Variants in CNKSR2 observed in about 807,000 individuals in gnomAD.
The protein encoded by CNKSR2 is connector enhancer of kinase suppressor of Ras 2, also known as CNK homolog protein 2.
Under a neutral mutation model 84.4 loss-of-function variants are expected in CNKSR2, and 14 were observed. The ratio of observed to expected loss-of-function variants is 0.17; its 90% CI spans 0.11 to 0.26. CNKSR2 has a LOEUF of 0.26. CNKSR2 is among the 10% of genes least tolerant of loss of function. The probability of loss-of-function intolerance (pLI) is 1.00; values close to 1 mark genes in which losing one functional copy is unlikely to be tolerated. For missense variants in CNKSR2, 485 were observed against 771.2 expected, an observed-to-expected ratio of 0.63 and a Z score of 4.40; for synonymous variants, 275 against 277.9, an observed-to-expected ratio of 0.99 and a Z score of 0.10.
chrX:21,597,381 A>T (rs981476153), intron 17 of CNKSR2, among the ~76,000 whole-genome samples: 2 of 111,596 alleles, frequency 1.8e-5, no homozygotes, highest in Non-Finnish European at 3.8e-5. Context: ...AAAGAAAAAA[A>T]GTGAAACATT....
intron 13 of CNKSR2, among the ~76,000 whole-genome samples, chrX:21,580,188 A>C (rs2092345236): frequency 8.9e-6 from 1 of 112,323 alleles, no homozygotes; most frequent in African/African-American, 3.2e-5. Context: ...TGAATTATAT[A>C]TCTCAATTAT....
chrX:21,624,829 T>C (rs1233941897), intron 20 of CNKSR2, among the ~76,000 whole-genome samples: 4 of 112,447 alleles, frequency 3.6e-5, no homozygotes, highest in African/African-American at 9.7e-5. Flanking sequence ...TTTTATTCTA[T>C]TCATTGCACA....
At position 21,490,476 on chromosome X, in the gene CNKSR2, A is replaced by C. The variant is rs1324621094; in HGVS notation, c.579A>C (p.Gly193=). ...KILHVCKTLS[G]VCDHIISLSS... ...GCTTCCAGTGTAAAACTCTTTCTGGAGTCTGTGACCACATCATATCCCTGT... is the reference window on the plus strand; with the variant it reads ...GCTTCCAGTGTAAAACTCTTTCTGGCGTCTGTGACCACATCATATCCCTGT... The change falls in exon 6 of 22, where the codon GGA becomes GGC. Residue 193 remains glycine, a synonymous_variant. Coordinates refer to ENST00000379510, the MANE Select transcript of CNKSR2 (RefSeq NM_014927.5). 8.3e-7 allele frequency: 1 copy of C among 1,205,279 alleles called. No individual in the cohort carries two copies. The highest frequency in any genetic ancestry group is 2.2e-5 in the Admixed American group (1 of 45,376).
intron 13 of CNKSR2, among the ~76,000 whole-genome samples, chrX:21,581,261 A>C (rs1939650573): frequency 8.9e-6 from 1 of 112,027 alleles, no homozygotes; most frequent in African/African-American, 3.2e-5. Context: ...TATGAGACAT[A>C]CTAAGAACAT....
chrX:21,412,839 T>C (rs1382794650), intron 1 of CNKSR2, among the ~76,000 whole-genome samples: 3 of 111,907 alleles, frequency 2.7e-5, no homozygotes, highest in African/African-American at 6.5e-5. Context: ...GTACTTCTTA[T>C]TATAGTAAAA....
At chrX:21,501,433 G>T in intron 7 of CNKSR2, 87 bp from the exon 8 acceptor site, 1 of 465,400 alleles carries the variant, frequency 2.1e-6, no homozygotes, top group Non-Finnish European at 3.5e-6. Flanking sequence ...TCTAATTTAT[G>T]GAGATGAACT....
At chrX:21,467,990 T>A (rs1403571441) in intron 4 of CNKSR2, among the ~76,000 whole-genome samples, 1 of 111,602 alleles carries the variant, frequency 9.0e-6, no homozygotes, top group Non-Finnish European at 1.9e-5. Flanking sequence ...TTAATAAAAA[T>A]ATATTAATAT....
intron 13 of CNKSR2, among the ~76,000 whole-genome samples, chrX:21,580,951 C>T (rs776961564): frequency 2.7e-5 from 3 of 111,681 alleles, no homozygotes; most frequent in East Asian, 5.6e-4. Context: ...CTGCTTTTCA[C>T]CTGTTAGAAC....
chrX:21,606,703 G>T, intron 18 of CNKSR2, 76 bp from the exon 19 acceptor site: 1 of 612,310 alleles, frequency 1.6e-6, no homozygotes, highest in Admixed American at 3.1e-5. Context: ...TTTTTTAAAT[G>T]ATAGTTTATG....
At chrX:21,422,449 C>G (rs957222297) in intron 1 of CNKSR2, among the ~76,000 whole-genome samples, 1 of 111,870 alleles carries the variant, frequency 8.9e-6, no homozygotes, top group African/African-American at 3.3e-5. Flanking sequence ...ACTGTGGGGG[C>G]CTGTTTTCAC....
chrX:21,630,028 A>G (rs1259368629), intron 20 of CNKSR2, among the ~76,000 whole-genome samples: 1 of 112,156 alleles, frequency 8.9e-6, no homozygotes, highest in African/African-American at 3.2e-5. Flanking sequence ...GGCATTCTGA[A>G]TAGAATGACT....
At chrX:21,553,822 G>A (rs759748815) in intron 11 of CNKSR2, among the ~76,000 whole-genome samples, 1 of 111,458 alleles carries the variant, frequency 9.0e-6, no homozygotes, top group Admixed American at 9.6e-5. Context: ...CTTGAGAACT[G>A]CATGCTTTTA....
chrX:21,547,381 A>C (rs1315899038), intron 11 of CNKSR2, among the ~76,000 whole-genome samples: 1 of 111,830 alleles, frequency 8.9e-6, no homozygotes, highest in Non-Finnish European at 1.9e-5. Flanking sequence ...AGAGCTAACT[A>C]TCCTAAATAT....
chrX:21,613,153 T>G (rs1311177998), intron 20 of CNKSR2, among the ~76,000 whole-genome samples: 1 of 112,590 alleles, frequency 8.9e-6, no homozygotes. Flanking sequence ...TATGTCATTC[T>G]ATGCACCTTT....
At chrX:21,630,681 A>T (rs1327753384) in intron 20 of CNKSR2, among the ~76,000 whole-genome samples, 1 of 107,248 alleles carries the variant, frequency 9.3e-6, no homozygotes, top group Non-Finnish European at 1.9e-5. Flanking sequence ...AATATTTTTC[A>T]CTATATATGT....
At chrX:21,562,946 C>G (rs1224100519) in intron 12 of CNKSR2, among the ~76,000 whole-genome samples, 1 of 111,302 alleles carries the variant, frequency 9.0e-6, no homozygotes, top group Non-Finnish European at 1.9e-5. Context: ...GTAGTTGGTC[C>G]AAAGCTAAAA....
chrX:21,448,008 TAGA>T (rs1204019703), intron 4 of CNKSR2, among the ~76,000 whole-genome samples: 1 of 111,281 alleles, frequency 9.0e-6, no homozygotes. Flanking sequence ...ACTCATACTT[TAGA>T]AGGAGACAAA....
At chrX:21,623,408 C>G (rs1273123608) in intron 20 of CNKSR2, among the ~76,000 whole-genome samples, 2 of 111,367 alleles carry the variant, frequency 1.8e-5, no homozygotes, top group African/African-American at 3.3e-5. Flanking sequence ...CTATCTAGTG[C>G]AAGATACTTG....
chrX:21,447,854 G>A (rs2090875325), intron 4 of CNKSR2, among the ~76,000 whole-genome samples: 1 of 111,653 alleles, frequency 9.0e-6, no homozygotes, highest in Non-Finnish European at 1.9e-5. Flanking sequence ...ATCAAGTAAA[G>A]AGCTGTTTCA....
Sources: allele counts gnomAD v4.1 joint callset (sites outside exome capture counted in the v4.1 genomes callset), GRCh38; gene constraint gnomAD v4.1.1; transcripts MANE v1.5; gene names NCBI Gene and HGNC (gene_info 2026-07-23, HGNC 2026-07-21).